FAM13A: variants seen among roughly 807,000 people sequenced by gnomAD.
The protein encoded by FAM13A is protein FAM13A.
FAM13A carries 76 observed loss-of-function variants against 129.6 expected under a neutral mutation model. That is an observed-to-expected ratio of 0.59 (90% confidence interval 0.49 to 0.71). The LOEUF is 0.71. Ranked by LOEUF, FAM13A falls within the 30% of genes least tolerant of loss-of-function variation. FAM13A has a pLI of 0.00. For missense variants in FAM13A, 1,108 were observed against 1,249.3 expected (o/e 0.89, Z 1.70); for synonymous variants, 443 against 449.9 (o/e 0.98, Z 0.20).
At chr4:89,042,367 G>A (rs150299257) in intron 1 of FAM13A, among the ~76,000 whole-genome samples, 2 of 152,256 alleles carry the variant, frequency 1.3e-5, no homozygotes, top group African/African-American at 4.8e-5. Flanking sequence ...TCCCCAAATA[G>A]TGCTCTGTCA....
At chr4:88,821,452 C>T (rs1249483584) in intron 7 of FAM13A, among the ~76,000 whole-genome samples, 1 of 152,132 alleles carries the variant, frequency 6.6e-6, no homozygotes, top group African/African-American at 2.4e-5. Context: ...AAATAATTTA[C>T]AGGAAATAAT....
chr4:89,000,264 A>G (rs1764080199), intron 3 of FAM13A, among the ~76,000 whole-genome samples: 1 of 152,236 alleles, frequency 6.6e-6, no homozygotes, highest in Admixed American at 6.5e-5. Flanking sequence ...CAGCCAAAAA[A>G]TGGAAATAAC....
At chr4:88,965,713 T>A (rs550717814) in intron 4 of FAM13A, among the ~76,000 whole-genome samples, 42 of 152,236 alleles carry the variant, frequency 2.8e-4, no homozygotes, top group African/African-American at 9.6e-4. Context: ...CCATTAAACA[T>A]ATCTCCTTTT....
At chr4:88,862,544 G>T (rs1320507549) in intron 6 of FAM13A, among the ~76,000 whole-genome samples, 2 of 152,182 alleles carry the variant, frequency 1.3e-5, no homozygotes, top group Non-Finnish European at 2.9e-5. Context: ...TTATGTCCAT[G>T]ATGTGGAGAA....
chr4:88,798,001 C>A (rs1726574012), intron 8 of FAM13A, among the ~76,000 whole-genome samples: 1 of 152,252 alleles, frequency 6.6e-6, no homozygotes, highest in African/African-American at 2.4e-5. Flanking sequence ...TTTAGTGGTT[C>A]TTAAGGTGGA....
intron 6 of FAM13A, among the ~76,000 whole-genome samples, chr4:88,879,411 A>C (rs2150117750): frequency 6.6e-6 from 1 of 152,222 alleles, no homozygotes; most frequent in East Asian, 1.9e-4. Context: ...CTTTAGCATC[A>C]AATATATCTG....
chr4:88,973,672 T>G (rs940681860), intron 4 of FAM13A, among the ~76,000 whole-genome samples: 2 of 152,164 alleles, frequency 1.3e-5, no homozygotes, highest in African/African-American at 4.8e-5. Context: ...CTTTAACCTA[T>G]GTTTTTGTTT....
intron 4 of FAM13A, among the ~76,000 whole-genome samples, chr4:88,975,914 A>C (rs898836669): frequency 6.6e-6 from 1 of 152,164 alleles, no homozygotes; most frequent in Non-Finnish European, 1.5e-5. Context: ...GAGTCAGAAG[A>C]CATTTTATTC....
At chr4:88,927,779 T>C (rs1000820452) in intron 5 of FAM13A, among the ~76,000 whole-genome samples, 7 of 152,014 alleles carry the variant, frequency 4.6e-5, no homozygotes, top group Admixed American at 2.6e-4. Context: ...TAGTGAGTGG[T>C]CTATCAATTT....
At chr4:88,958,774 A>G (rs1758162433) in intron 4 of FAM13A, among the ~76,000 whole-genome samples, 1 of 152,236 alleles carries the variant, frequency 6.6e-6, no homozygotes, top group African/African-American at 2.4e-5. Flanking sequence ...ACCACTCTCC[A>G]GATCCCAGAA....
chr4:88,806,716 G>A (rs1728636265), intron 7 of FAM13A, among the ~76,000 whole-genome samples: 1 of 152,092 alleles, frequency 6.6e-6, no homozygotes, highest in Non-Finnish European at 1.5e-5. Flanking sequence ...TAATGTGGAT[G>A]GGCTGAGGGC....
chr4:88,751,070 T>C (rs1742499547), intron 14 of FAM13A, among the ~76,000 whole-genome samples: 1 of 152,090 alleles, frequency 6.6e-6, no homozygotes, highest in Non-Finnish European at 1.5e-5. Context: ...GGTGAAACTC[T>C]ATCTCTACTA....
intron 6 of FAM13A, among the ~76,000 whole-genome samples, chr4:88,875,326 A>G (rs1742206128): frequency 6.6e-6 from 1 of 152,256 alleles, no homozygotes; most frequent in Non-Finnish European, 1.5e-5. Flanking sequence ...CTGCAAAGCA[A>G]AAGAAACTAT....
intron 9 of FAM13A, among the ~76,000 whole-genome samples, chr4:88,789,266 T>A (rs1234852679): frequency 6.6e-6 from 1 of 152,136 alleles, no homozygotes; most frequent in Non-Finnish European, 1.5e-5. Context: ...CTTGGTGCAG[T>A]TCTTGAATAT....
chr4:88,817,745 T>C (rs1731058092), intron 7 of FAM13A, among the ~76,000 whole-genome samples: 1 of 152,192 alleles, frequency 6.6e-6, no homozygotes, highest in African/African-American at 2.4e-5. Flanking sequence ...TTCAATTCTA[T>C]TTTCAACAGT....
chr4:88,791,590 G>A (rs1725165579), intron 8 of FAM13A, among the ~76,000 whole-genome samples: 3 of 152,052 alleles, frequency 2.0e-5, no homozygotes, highest in Admixed American at 1.3e-4. Flanking sequence ...ATCTTTAGTC[G>A]TGTCAAACTA....
intron 8 of FAM13A, among the ~76,000 whole-genome samples, chr4:88,803,372 T>C (rs560866992): frequency 1.3e-4 from 20 of 152,170 alleles, no homozygotes; most frequent in Non-Finnish European, 2.1e-4. Flanking sequence ...AAATATCAAG[T>C]AGCTTCTATT....
At chr4:89,039,502 GA>G in intron 1 of FAM13A, among the ~76,000 whole-genome samples, 1 of 152,292 alleles carries the variant, frequency 6.6e-6, no homozygotes, top group East Asian at 1.9e-4. Context: ...AATAGTAGAA[GA>G]AACTGGGAAG....
rs900600165 is a variant in FAM13A, at chr4:88,821,643, A to G, written c.1008-16591T>C. 6.5e-4 allele frequency among the ~76,000 whole-genome samples: 99 copies of G among 152,216 alleles called. 6 individuals carry two copies. Among genetic ancestry groups the G allele is most frequent in the Non-Finnish European group, 1.0e-4 (7 of 68,032 alleles). On this transcript the variant is annotated intron_variant, in intron 7 of 23. Coordinates refer to ENST00000264344, the MANE Select transcript of FAM13A (RefSeq NM_014883.4). ...AAAACCCTTAAGAACTGATGTCATT[A>G]TAAGGGGAAAAATGTCTCCAACTTT...
Sources: allele counts gnomAD v4.1 joint callset (sites outside exome capture counted in the v4.1 genomes callset), GRCh38; gene constraint gnomAD v4.1.1; transcripts MANE v1.5; gene names NCBI Gene and HGNC (gene_info 2026-07-23, HGNC 2026-07-21).